Variants in VMP1 observed in about 807,000 individuals in gnomAD.
VMP1 encodes ectopic P-granules autophagy protein 3 homolog.
In VMP1, 11 loss-of-function variants were observed where a neutral mutation model predicts 56.0. That is an observed-to-expected ratio of 0.20 (90% CI 0.12 to 0.32). VMP1 has a LOEUF of 0.32. Among genes scored for constraint, VMP1 ranks in the 10% least tolerant of loss-of-function variants. The pLI is 1.00. For missense variants in VMP1, 296 were observed against 490.3 expected (o/e 0.60, Z 3.74); for synonymous variants, 149 against 165.0 (o/e 0.90, Z 0.74).
chr17:59,783,452 A>G (rs1198884394), intron 7 of VMP1, among the ~76,000 whole-genome samples: 1 of 152,150 alleles, frequency 6.6e-6, no homozygotes, highest in Non-Finnish European at 1.5e-5. Flanking sequence ...TGTCTGTGAG[A>G]GGTACACATG....
At chr17:59,829,758 A>G (rs1415956793) in intron 10 of VMP1, among the ~76,000 whole-genome samples, 3 of 152,084 alleles carry the variant, frequency 2.0e-5, no homozygotes, top group East Asian at 3.9e-4. Flanking sequence ...TCTTTTGTAC[A>G]TATAACAGAT....
chr17:59,765,535 T>TA (rs1598359783), intron 6 of VMP1, among the ~76,000 whole-genome samples: 1 of 152,312 alleles, frequency 6.6e-6, no homozygotes. Context: ...GCCTTAATGA[T>TA]AAATAGTAGA....
intron 1 of VMP1, among the ~76,000 whole-genome samples, chr17:59,728,422 A>C (rs1477170480): frequency 1.3e-5 from 2 of 151,684 alleles, no homozygotes; most frequent in Non-Finnish European, 2.9e-5. Context: ...CTTTCTTAAT[A>C]ATATAACCCC....
intron 1 of VMP1, among the ~76,000 whole-genome samples, chr17:59,728,903 C>G (rs1051817212): frequency 6.6e-6 from 1 of 152,096 alleles, no homozygotes; most frequent in Non-Finnish European, 1.5e-5. Flanking sequence ...ACATTATCAT[C>G]ACCCCAGAAA....
chr17:59,759,234 T>C (rs2035954965), intron 5 of VMP1, among the ~76,000 whole-genome samples: 1 of 151,804 alleles, frequency 6.6e-6, no homozygotes, highest in Non-Finnish European at 1.5e-5. Context: ...ATTAGCTGGG[T>C]GTGGTGGCGG....
At chr17:59,735,501 A>G (rs756846913) in intron 3 of VMP1, 28 bp downstream of exon 3, 1 of 1,611,774 alleles carries the variant, frequency 6.2e-7, no homozygotes, top group Non-Finnish European at 8.5e-7. Context: ...ACTACCTTTT[A>G]CATACACCTC....
At position 59,820,974 on chromosome 17, in the gene VMP1, G is replaced by GT. The variant is rs904404398; in HGVS notation, c.974+3215dup. Reference sequence around the variant, plus strand: ...TCTTATGTCTTTCTTTCTTTTTTTTGTTTTTTTTTTTTTTGTGACGGAGTC... The same window carrying GT: ...TCTTATGTCTTTCTTTCTTTTTTTTGTTTTTTTTTTTTTTTGTGACGGAGTC... On this transcript the variant is annotated intron_variant, in intron 10 of 11. Transcript: ENST00000262291. 5.6e-3 allele frequency among the ~76,000 whole-genome samples: 776 copies of GT among 138,614 alleles called. 4 individuals are homozygous for GT. The highest frequency in any genetic ancestry group is 0.012 in the African/African-American group (445 of 38,046). 90.9% of individuals were successfully genotyped at this position (138,614 alleles called of 152,430 possible). A position where few individuals can be genotyped will look rare whatever the true frequency, so the allele number is the denominator to read the frequency against.
At chr17:59,822,967 T>A (rs1444877588) in intron 10 of VMP1, among the ~76,000 whole-genome samples, 2 of 152,122 alleles carry the variant, frequency 1.3e-5, no homozygotes, top group Non-Finnish European at 2.9e-5. Context: ...CCGCCTGTAG[T>A]CCCTGCTACC....
chr17:59,725,432 T>C (rs2034564380), intron 1 of VMP1, among the ~76,000 whole-genome samples: 1 of 151,886 alleles, frequency 6.6e-6, no homozygotes, highest in Admixed American at 6.6e-5. Flanking sequence ...AGAAAATGGT[T>C]AAAATGCAGA....
intron 2 of VMP1, among the ~76,000 whole-genome samples, chr17:59,732,820 C>T (rs568020783): frequency 6.6e-6 from 1 of 152,314 alleles, no homozygotes; most frequent in South Asian, 2.1e-4. Context: ...ACTTACTCTT[C>T]TGTACCAGGT....
At chr17:59,834,782 G>A (rs1423859139) in intron 10 of VMP1, among the ~76,000 whole-genome samples, 1 of 152,034 alleles carries the variant, frequency 6.6e-6, no homozygotes, top group African/African-American at 2.4e-5. Context: ...TCTCCATCAT[G>A]CCCGGCTAAT....
intron 10 of VMP1, among the ~76,000 whole-genome samples, chr17:59,836,640 C>T (rs989505156): frequency 4.6e-5 from 7 of 151,324 alleles, no homozygotes; most frequent in Admixed American, 1.3e-4. Flanking sequence ...TGTGTGTGTG[C>T]GCACACATGT....
intron 7 of VMP1, among the ~76,000 whole-genome samples, chr17:59,789,812 C>T (rs1166849007): frequency 6.9e-6 from 1 of 144,636 alleles, no homozygotes; most frequent in Non-Finnish European, 1.5e-5. Context: ...TTTCTTTCTT[C>T]CTTCCTTCCT....
chr17:59,732,527 G>A (rs1032606433), intron 2 of VMP1, among the ~76,000 whole-genome samples: 2 of 145,112 alleles, frequency 1.4e-5, no homozygotes, highest in African/African-American at 2.4e-5. Flanking sequence ...ACAGGCATGA[G>A]CCACCGCGCC....
chr17:59,759,190 A>G (rs759219925), intron 5 of VMP1, among the ~76,000 whole-genome samples: 2 of 152,200 alleles, frequency 1.3e-5, no homozygotes, highest in Non-Finnish European at 2.9e-5. Flanking sequence ...CCTGACCAAC[A>G]TGGTGAAACC....
At chr17:59,812,923 C>T (rs2038101595) in intron 9 of VMP1, among the ~76,000 whole-genome samples, 1 of 152,070 alleles carries the variant, frequency 6.6e-6, no homozygotes, top group Non-Finnish European at 1.5e-5. Flanking sequence ...GAGCAAGACT[C>T]TGTCTCAAAA....
intron 7 of VMP1, among the ~76,000 whole-genome samples, chr17:59,798,532 G>T (rs1406847637): frequency 6.6e-6 from 1 of 152,122 alleles, no homozygotes; most frequent in African/African-American, 2.4e-5. Flanking sequence ...TAAATGTTTC[G>T]TGAAATAGTA....
At chr17:59,728,829 A>G (rs2034707667) in intron 1 of VMP1, among the ~76,000 whole-genome samples, 1 of 152,174 alleles carries the variant, frequency 6.6e-6, no homozygotes, top group South Asian at 2.1e-4. Context: ...TAATTCACAT[A>G]TCATATAATT....
At chr17:59,829,416 G>T (rs1046647005) in intron 10 of VMP1, among the ~76,000 whole-genome samples, 1 of 152,158 alleles carries the variant, frequency 6.6e-6, no homozygotes, top group African/African-American at 2.4e-5. Flanking sequence ...GTTTCATGTG[G>T]AGGGCAATCT....
Sources: gnomAD v4.1 joint callset for allele counts (sites outside exome capture counted in the v4.1 genomes callset) on GRCh38, gnomAD v4.1.1 for gene constraint, MANE v1.5 for transcripts, NCBI Gene and HGNC (gene_info 2026-07-23, HGNC 2026-07-21) for gene names.